Variants in CACNA1H observed in about 807,000 individuals in gnomAD.
The protein encoded by CACNA1H is calcium voltage-gated channel subunit alpha1 H, also known as voltage-dependent T-type calcium channel subunit alpha-1H.
A neutral mutation model predicts 192.5 loss-of-function variants in CACNA1H; 149 were observed. That is an observed-to-expected ratio of 0.77 (90% CI 0.68 to 0.89). The LOEUF (loss-of-function observed/expected upper bound fraction) is 0.89, where lower values mean the gene tolerates loss of function less well. Ranked by LOEUF, CACNA1H falls within the 40% of genes least tolerant of loss-of-function variation. CACNA1H has a pLI of 0.00. For missense variants in CACNA1H, 4,257 were observed against 3,423.5 expected (o/e 1.24, Z -6.08); for synonymous variants, 2,202 against 1,475.2 (o/e 1.49, Z -11.29).
At chr16:1,159,711 G>C (rs200130537) in intron 2 of CACNA1H, 1 of 152,602 alleles carries the variant, frequency 6.6e-6, no homozygotes, top group Non-Finnish European at 1.5e-5. Flanking sequence ...GGTGAGGGCC[G>C]CACAGGGACA....
chr16:1,171,874 G>A (rs1184501011), intron 2 of CACNA1H, among the ~76,000 whole-genome samples: 3 of 152,234 alleles, frequency 2.0e-5, no homozygotes, highest in South Asian at 2.1e-4. Flanking sequence ...GCCCACAGAC[G>A]AGAGGGTCAG....
intron 2 of CACNA1H, among the ~76,000 whole-genome samples, chr16:1,171,498 T>A (rs1234087512): frequency 1.3e-5 from 2 of 152,192 alleles, no homozygotes; most frequent in Non-Finnish European, 2.9e-5. Context: ...GGGAAGCTTC[T>A]GGAAACAAAG....
chr16:1,205,298 C>T, intron 11 of CACNA1H, 33 bp downstream of exon 11: 1 of 1,572,880 alleles, frequency 6.4e-7, no homozygotes, highest in Non-Finnish European at 8.7e-7. Flanking sequence ...GGAAGAGGGG[C>T]CCGGGAAGCT....
intron 2 of CACNA1H, among the ~76,000 whole-genome samples, chr16:1,190,868 C>CA (rs1966543017): frequency 6.6e-6 from 1 of 151,168 alleles, no homozygotes. Context: ...CAGGCACACT[C>CA]GGGGTCTCTC....
Position 1,202,138 on chromosome 16 carries a change from G to T in CACNA1H, c.1688G>T (p.Gly563Val). The change falls in exon 9 of 35, where the codon GGC (glycine) becomes GTC (valine). Residue 563 changes from glycine to valine, a missense_variant. Transcript: ENST00000348261. Reference sequence around the variant, plus strand: ...GCGCCCCCCTCGCCACCTTCCCCAGGCCGCGGACCCCCCGACGCAGAGTCT... The same window carrying T: ...GCGCCCCCCTCGCCACCTTCCCCAGTCCGCGGACCCCCCGACGCAGAGTCT... ...AGAPPSPPSP[G>V]RGPPDAESVH... 6.5e-7 allele frequency: 1 copy of T among 1,548,676 alleles called. No homozygotes were observed.
intron 2 of CACNA1H, among the ~76,000 whole-genome samples, chr16:1,187,370 A>T (rs1344022156): frequency 6.6e-6 from 1 of 152,184 alleles, no homozygotes; most frequent in African/African-American, 2.4e-5. Context: ...CTGTGACCTC[A>T]GCTGCAGTCT....
In CACNA1H at chr16:1,180,510, C is replaced by T. The variant is rs1965355363; in HGVS notation, c.300-14462C>T. Among the ~76,000 whole-genome samples the T allele has an allele frequency of 6.6e-6, 1 of 152,162 alleles. No individual in the cohort carries two copies. Among genetic ancestry groups the T allele is most frequent in the African/African-American group, 2.4e-5 (1 of 41,442 alleles). On this transcript the variant is annotated intron_variant, in intron 2 of 34. Transcript: ENST00000348261. The surrounding 1 kb of genome is among the most constrained non-coding windows in gnomAD (Gnocchi z 4.4). ...TCCTGGTGTCCCTGGCGTCCCCATACCCCCTCCGAGGCACAGCCACAGTCT... is the reference window on the plus strand; with the variant it reads ...TCCTGGTGTCCCTGGCGTCCCCATATCCCCTCCGAGGCACAGCCACAGTCT...
At chr16:1,179,100 A>G (rs1349187114) in intron 2 of CACNA1H, among the ~76,000 whole-genome samples, 2 of 152,206 alleles carry the variant, frequency 1.3e-5, no homozygotes, top group African/African-American at 4.8e-5. Context: ...CCCTCCCTGC[A>G]CACTGTTACT....
At chr16:1,204,586 C>G in intron 10 of CACNA1H, 128 bp downstream of exon 10, 2 of 715,496 alleles carry the variant, frequency 2.8e-6, no homozygotes, top group South Asian at 4.3e-5. Context: ...CTCTAGAAAG[C>G]CGGGGATGGT....
intron 6 of CACNA1H, among the ~76,000 whole-genome samples, chr16:1,199,442 G>A (rs1421205215): frequency 1.1e-4 from 6 of 56,664 alleles, no homozygotes; most frequent in Admixed American, 3.0e-4. Flanking sequence ...CCCACCGTGC[G>A]GTCGCTGCAT....
chr16:1,206,375 A>AAGG, intron 12 of CACNA1H, 86 bp downstream of exon 12: 1 of 1,305,576 alleles, frequency 7.7e-7, no homozygotes. Context: ...CCCGAAGGAG[A>AAGG]AGGAGCCCTC....
At chr16:1,176,456 G>A (rs1235707083) in intron 2 of CACNA1H, among the ~76,000 whole-genome samples, 1 of 152,248 alleles carries the variant, frequency 6.6e-6, no homozygotes, top group Non-Finnish European at 1.5e-5. Flanking sequence ...GACCCCAGCT[G>A]CCGTCTCTTT....
intron 2 of CACNA1H, among the ~76,000 whole-genome samples, chr16:1,173,615 G>C (rs1964582062): frequency 6.6e-6 from 1 of 152,262 alleles, no homozygotes; most frequent in South Asian, 2.1e-4. Context: ...AGTGAGAAGA[G>C]GGGCTGTGTT....
Position 1,200,340 on chromosome 16 carries a change from C to T in CACNA1H, c.888C>T (p.Asp296=), listed in dbSNP as rs79829712. ...CGTTCATCTGCTCCTCACGCCGAGACAACGGCATGCAGAAGTGCTCGCACA... is the reference window on the plus strand; with the variant it reads ...CGTTCATCTGCTCCTCACGCCGAGATAACGGCATGCAGAAGTGCTCGCACA... ...ENPFICSSRR[D]NGMQKCSHIP... is the part of the protein sequence containing the mutation. Residue 296 remains aspartate, a synonymous_variant, in exon 7 of 35, where the codon GAC becomes GAT. Coordinates refer to ENST00000348261, the MANE Select transcript of CACNA1H (RefSeq NM_021098.3). 1.3e-4 allele frequency: 207 copies of T among 1,602,752 alleles called. 2 individuals are homozygous for T. The East Asian group carries it at 4.5e-3, about 35-fold the overall frequency.
At chr16:1,213,690 C>T (rs542840691) in intron 26 of CACNA1H, 90 bp from the exon 27 acceptor site, 5 of 1,037,772 alleles carry the variant, frequency 4.8e-6, no homozygotes, top group East Asian at 5.3e-5. Flanking sequence ...CTACCCTACA[C>T]TTGGCCACCT....
chr16:1,195,093 G>T lies in CACNA1H; in HGVS notation c.411+10G>T. The T allele has an allele frequency of 6.4e-7, 1 of 1,559,046 alleles. No homozygotes were observed. ...CTGCAACATCCTGGAGGTGAGGGGC[G>T]TGGGTCGGGGTGGGGAAGGAGCGTG... On this transcript the variant is annotated intron_variant, in intron 3 of 34. Transcript: ENST00000348261.
In CACNA1H at chr16:1,206,085, C is replaced by T. The variant is rs11646893; in HGVS notation, c.2604-19C>T. On this transcript the variant is annotated intron_variant, in intron 11 of 34. Transcript: ENST00000348261. ...CAGGGATCGTGGCCCCGCTGACCCTCGCCCCCACCTGTCCGCAGCGTCTGG... is the reference window on the plus strand; with the variant it reads ...CAGGGATCGTGGCCCCGCTGACCCTTGCCCCCACCTGTCCGCAGCGTCTGG... 152,696 of 1,548,392 alleles carry T rather than the reference C, an allele frequency of 0.099. 8,134 individuals are homozygous for T. Among genetic ancestry groups the T allele is most frequent in the South Asian group, 0.12 (10,450 of 84,456 alleles).
intron 9 of CACNA1H, among the ~76,000 whole-genome samples, chr16:1,202,834 C>A (rs1272854428): frequency 6.6e-6 from 1 of 152,110 alleles, no homozygotes; most frequent in African/African-American, 2.4e-5. Flanking sequence ...TCCTTCGTGG[C>A]CATTGAGGCT....
chr16:1,182,243 C>T (rs895888707), intron 2 of CACNA1H, among the ~76,000 whole-genome samples: 1 of 152,188 alleles, frequency 6.6e-6, no homozygotes, highest in African/African-American at 2.4e-5. Flanking sequence ...CACCTGGGTG[C>T]AGCCTGGCGG....
Sources: gnomAD v4.1 joint callset for allele counts (sites outside exome capture counted in the v4.1 genomes callset) on GRCh38, gnomAD v4.1.1 for gene constraint, Gnocchi (gnomAD v3.1) non-coding constraint, MANE v1.5 for transcripts, NCBI Gene and HGNC (gene_info 2026-07-23, HGNC 2026-07-21) for gene names.